CACUL1: variants seen among roughly 807,000 people sequenced by gnomAD.
The protein encoded by CACUL1 is CDK2 associated cullin domain 1.
In CACUL1, 13 loss-of-function variants were observed where a neutral mutation model predicts 45.2. That is an observed-to-expected ratio of 0.29 (90% CI 0.19 to 0.46). CACUL1 has a LOEUF of 0.46. CACUL1 is among the 20% of genes least tolerant of loss of function. The pLI is 1.00. For synonymous variants in CACUL1, 197 were observed against 174.2 expected, an observed-to-expected ratio of 1.13 and a Z score of -1.03; for missense variants, 421 against 471.4, an observed-to-expected ratio of 0.89 and a Z score of 0.99.
At chr10:118,693,493 T>C (rs1188484002) in intron 6 of CACUL1, 1 of 260,060 alleles carries the variant, frequency 3.8e-6, no homozygotes, top group African/African-American at 2.2e-5. Flanking sequence ...ATAAATCCTA[T>C]TACAAGAGCT....
At chr10:118,735,714 C>A (rs1845734323) in intron 1 of CACUL1, among the ~76,000 whole-genome samples, 1 of 152,166 alleles carries the variant, frequency 6.6e-6, no homozygotes, top group Non-Finnish European at 1.5e-5. Context: ...TAGCTAGGAA[C>A]TGTCTTCCTA....
chr10:118,698,220 T>G (rs1554894578), intron 5 of CACUL1, among the ~76,000 whole-genome samples: 1 of 151,308 alleles, frequency 6.6e-6, no homozygotes, highest in Non-Finnish European at 1.5e-5. Context: ...CTTGGCTCAC[T>G]GCAACCTCTG....
chr10:118,685,217 G>C lies in CACUL1; in HGVS notation c.*911C>G, dbSNP rs1011934714. The C allele has an allele frequency of 7.7e-6, 1 of 129,124 alleles. No individual in the cohort carries two copies. Among genetic ancestry groups the C allele is most frequent in the African/African-American group, 2.8e-5 (1 of 35,800 alleles). 8.0% of individuals were successfully genotyped at this position (129,124 alleles called of 1,614,324 possible). A position where few individuals can be genotyped will look rare whatever the true frequency, so the allele number is the denominator to read the frequency against. On this transcript the variant is annotated 3_prime_UTR_variant, in exon 9 of 9. Coordinates refer to ENST00000369151, the MANE Select transcript of CACUL1 (RefSeq NM_153810.5). ...CTCAATAATACTAAGGGAAGCTTCCGTGCTAAAGTACCGCCCATCCCTAAA... is the reference window on the plus strand; with the variant it reads ...CTCAATAATACTAAGGGAAGCTTCCCTGCTAAAGTACCGCCCATCCCTAAA...
intron 6 of CACUL1, among the ~76,000 whole-genome samples, chr10:118,694,555 C>T (rs544982485): frequency 2.0e-5 from 3 of 152,242 alleles, no homozygotes; most frequent in South Asian, 4.1e-4. Flanking sequence ...TTTGAGGTTC[C>T]GGCTTATAGA....
chr10:118,689,374 C>CAA (rs1285931208), intron 7 of CACUL1, among the ~76,000 whole-genome samples: 1 of 152,140 alleles, frequency 6.6e-6, no homozygotes, highest in Non-Finnish European at 1.5e-5. Flanking sequence ...TTTTATGAGG[C>CAA]AAAGTTTAAT....
intron 1 of CACUL1, among the ~76,000 whole-genome samples, chr10:118,745,599 T>A (rs909994600): frequency 1.3e-5 from 2 of 152,100 alleles, no homozygotes; most frequent in Non-Finnish European, 2.9e-5. Context: ...GAACATTTTT[T>A]AAATAACAGA....
intron 3 of CACUL1, among the ~76,000 whole-genome samples, chr10:118,725,994 C>T (rs144779978): frequency 6.6e-6 from 1 of 152,302 alleles, no homozygotes; most frequent in Non-Finnish European, 1.5e-5. Flanking sequence ...GAGGCTGACG[C>T]CCTGTAGGTC....
intron 3 of CACUL1, among the ~76,000 whole-genome samples, chr10:118,715,952 AC>A (rs1349218085): frequency 6.6e-6 from 1 of 152,092 alleles, no homozygotes. Context: ...AATAACCACT[AC>A]CGGCTGGGCG....
At position 118,686,135 on chromosome 10, in the gene CACUL1, T is replaced by C. The variant is rs1845202548; in HGVS notation, c.1103A>G (p.Tyr368Cys). 4.3e-6 allele frequency: 7 copies of C among 1,612,276 alleles called. No individual in the cohort carries two copies. Among genetic ancestry groups the C allele is most frequent in the Non-Finnish European group, 5.9e-6 (7 of 1,178,378 alleles). ...GCATATTCAATACATTCACTATCTG[T>C]ACCCCCTGGAACTTGCACATGCTGA... ...SSSACASSRG[Y>C]R The change falls in exon 9 of 9, where the codon TAC (tyrosine) becomes TGC (cysteine). Residue 368 changes from tyrosine to cysteine, a missense_variant. By Grantham distance (194) the Tyr-to-Cys change is radical. This residue lies in a region of CACUL1 where 208 missense variants were observed against 298.4 expected (regional missense o/e 0.70). Coordinates refer to ENST00000369151, the MANE Select transcript of CACUL1 (RefSeq NM_153810.5).
intron 7 of CACUL1, among the ~76,000 whole-genome samples, chr10:118,690,129 G>A (rs1366212968): frequency 4.0e-5 from 6 of 151,820 alleles, no homozygotes; most frequent in African/African-American, 2.4e-5. Flanking sequence ...GTGAAACCCC[G>A]TCTCTACTAA....
intron 3 of CACUL1, among the ~76,000 whole-genome samples, chr10:118,726,012 T>C (rs964536305): frequency 1.3e-5 from 2 of 152,234 alleles, no homozygotes; most frequent in South Asian, 2.1e-4. Flanking sequence ...GTCCAAATCA[T>C]TGATTTATCA....
rs778404604 is a variant in CACUL1, at chr10:118,710,537, GTTCT to G, written c.598-2954_598-2951del. Among the ~76,000 whole-genome samples, 94 of 152,234 alleles carry G rather than the reference GTTCT, an allele frequency of 6.2e-4. 1 individual carries two copies. Among genetic ancestry groups the G allele is most frequent in the Non-Finnish European group, 1.2e-3 (79 of 68,014 alleles). ...CAAAAGACATAAGGCCTCCCTGACT[GTTCT>G]TTCTACCTAACCATCTCTCTCTGCA... On this transcript the variant is annotated intron_variant, in intron 3 of 8. Coordinates refer to ENST00000369151, the MANE Select transcript of CACUL1 (RefSeq NM_153810.5).
intron 3 of CACUL1, among the ~76,000 whole-genome samples, chr10:118,711,340 G>A (rs947349741): frequency 3.9e-5 from 6 of 152,114 alleles, no homozygotes; most frequent in Non-Finnish European, 5.9e-5. Context: ...TCGGCCTCCC[G>A]AAGTGCTGGG....
chr10:118,733,042 G>C (rs1033288554), intron 1 of CACUL1, among the ~76,000 whole-genome samples: 3 of 152,148 alleles, frequency 2.0e-5, no homozygotes, highest in Admixed American at 1.3e-4. Context: ...CCTATCTTCT[G>C]GGCTCCTAAA....
intron 1 of CACUL1, among the ~76,000 whole-genome samples, chr10:118,735,950 A>G (rs975110579): frequency 3.3e-5 from 5 of 152,158 alleles, no homozygotes; most frequent in African/African-American, 9.7e-5. Context: ...AACTCGAGCT[A>G]GTTAATGTAT....
intron 1 of CACUL1, among the ~76,000 whole-genome samples, chr10:118,734,474 A>G (rs570995767): frequency 1.3e-5 from 2 of 152,362 alleles, no homozygotes; most frequent in South Asian, 4.1e-4. Context: ...AAAGTAAGTT[A>G]CCATTAAATT....
intron 7 of CACUL1, among the ~76,000 whole-genome samples, chr10:118,688,690 T>C (rs1008774997): frequency 4.6e-5 from 7 of 152,198 alleles, no homozygotes; most frequent in Non-Finnish European, 8.8e-5. Context: ...TTATCTTCTG[T>C]AGTGTTACCG....
In CACUL1 at chr10:118,678,521, G is replaced by A. The variant is rs543220698; in HGVS notation, c.*7607C>T. 20 of 152,084 alleles carry A rather than the reference G, an allele frequency of 1.3e-4. No individual in the cohort carries two copies. Among genetic ancestry groups the A allele is most frequent in the African/African-American group, 3.9e-4 (16 of 41,464 alleles). The allele number at this position is 152,084 out of a possible 1,614,324, so 9.4% of individuals were successfully genotyped here. A position where few individuals can be genotyped will look rare whatever the true frequency, so the allele number is the denominator to read the frequency against. On this transcript the variant is annotated 3_prime_UTR_variant, in exon 9 of 9. Transcript: ENST00000369151. ...GTCAGGTTCCACAGTGAAAATCATT[G>A]GGAATTTTTTTGGAATTGCAATTTG... is the stretch of plus-strand genomic sequence containing the variant.
intron 5 of CACUL1, among the ~76,000 whole-genome samples, chr10:118,698,553 G>A (rs1373101191): frequency 2.0e-5 from 3 of 152,092 alleles, no homozygotes; most frequent in South Asian, 4.2e-4. Flanking sequence ...TTTCTGAGCC[G>A]AGGACCTAAG....
Sources: allele counts gnomAD v4.1 joint callset (sites outside exome capture counted in the v4.1 genomes callset), GRCh38; gene constraint gnomAD v4.1.1; regional missense constraint gnomAD v4.1.1; transcripts MANE v1.5; gene names NCBI Gene and HGNC (gene_info 2026-07-23, HGNC 2026-07-21).